BRD10: variants seen among roughly 807,000 people sequenced by gnomAD.
The protein encoded by BRD10 is bromodomain containing 10.
the BRD10 span, among the ~76,000 whole-genome samples, chr9:5,980,416 C>T: frequency 6.6e-6 from 1 of 152,104 alleles, no homozygotes; most frequent in Non-Finnish European, 1.5e-5. Context: ...GCTGTCCAAA[C>T]TAATAAAGAC....
chr9:5,895,464 G>T, the BRD10 span, among the ~76,000 whole-genome samples: 3 of 151,758 alleles, frequency 2.0e-5, no homozygotes, highest in Non-Finnish European at 2.9e-5. Flanking sequence ...GCATCCCTAA[G>T]ATCTGAGAAT....
At chr9:6,001,556 T>C in the BRD10 span, among the ~76,000 whole-genome samples, 2 of 152,236 alleles carry the variant, frequency 1.3e-5, no homozygotes, top group Non-Finnish European at 2.9e-5. Flanking sequence ...CTTTTAATTA[T>C]GTGTTTCTGT....
At chr9:5,890,798 G>C in the BRD10 span, 20 of 151,978 alleles carry the variant, frequency 1.3e-4, 1 homozygote, top group Admixed American at 1.1e-3. Flanking sequence ...AATTACAGAC[G>C]ACCCCGTCAG....
chr9:5,980,936 T>C, the BRD10 span, among the ~76,000 whole-genome samples: 1 of 152,210 alleles, frequency 6.6e-6, no homozygotes, highest in African/African-American at 2.4e-5. Flanking sequence ...ACAACAACAG[T>C]AACAACAACA....
the BRD10 span, chr9:5,988,445 T>A: frequency 2.5e-6 from 4 of 1,613,994 alleles, no homozygotes; most frequent in African/African-American, 4.0e-5. Context: ...CTTCGCGGTG[T>A]TGACCGACGC....
chr9:5,918,972 C>A, the BRD10 span: 2 of 152,662 alleles, frequency 1.3e-5, no homozygotes, highest in African/African-American at 4.8e-5. Context: ...ATCCTGTATT[C>A]TTTCAATGGA....
chr9:5,900,077 A>T, the BRD10 span, among the ~76,000 whole-genome samples: 2 of 152,220 alleles, frequency 1.3e-5, no homozygotes, highest in Non-Finnish European at 2.9e-5. Flanking sequence ...TACAAACTCA[A>T]TATGTTGGTA....
the BRD10 span, among the ~76,000 whole-genome samples, chr9:5,947,315 T>A: frequency 1.3e-5 from 2 of 152,098 alleles, no homozygotes; most frequent in Non-Finnish European, 2.9e-5. Context: ...TTCCAGGTAT[T>A]GCCTGCAAAT....
chr9:5,914,052 G>C, the BRD10 span: 1 of 452,392 alleles, frequency 2.2e-6, no homozygotes, highest in South Asian at 1.6e-5. Flanking sequence ...GCACACTTAA[G>C]AGAAAGCTCA....
the BRD10 span, among the ~76,000 whole-genome samples, chr9:5,930,036 T>A: frequency 3.0e-4 from 46 of 151,928 alleles, no homozygotes; most frequent in South Asian, 8.9e-3. Flanking sequence ...ATTATTTGAA[T>A]AACATAGGAA....
the BRD10 span, among the ~76,000 whole-genome samples, chr9:5,883,733 A>T: frequency 4.0e-5 from 6 of 151,886 alleles, no homozygotes; most frequent in Non-Finnish European, 7.4e-5. Context: ...CAGCCTCTCA[A>T]ACTGCTGGGA....
chr9:5,906,786 G>T, the BRD10 span: 2 of 715,490 alleles, frequency 2.8e-6, no homozygotes, highest in Non-Finnish European at 4.6e-6. Flanking sequence ...GCAGAACCTA[G>T]ATTAAAACTC....
chr9:5,994,644 G>A, the BRD10 span, among the ~76,000 whole-genome samples: 3 of 152,040 alleles, frequency 2.0e-5, no homozygotes, highest in Admixed American at 6.6e-5. Context: ...CATAATACAT[G>A]ACTAACCTCT....
chr9:5,920,160 C>G, the BRD10 span: 1 of 1,613,922 alleles, frequency 6.2e-7, no homozygotes, highest in South Asian at 1.1e-5. Flanking sequence ...TTATTTGATG[C>G]TAGTGTGATC....
the BRD10 span, chr9:6,007,947 G>A: frequency 2.3e-6 from 3 of 1,312,112 alleles, no homozygotes; most frequent in South Asian, 2.2e-5. Flanking sequence ...TGCGCGCGGG[G>A]GTCTTGAGCT....
the BRD10 span, among the ~76,000 whole-genome samples, chr9:5,990,088 A>G: frequency 5.3e-5 from 8 of 152,192 alleles, no homozygotes; most frequent in Non-Finnish European, 5.9e-5. Context: ...TTTTCCAAAA[A>G]TACTGAAGAA....
the BRD10 span, among the ~76,000 whole-genome samples, chr9:5,980,465 T>A: frequency 3.9e-5 from 6 of 152,308 alleles, no homozygotes; most frequent in South Asian, 6.2e-4. Flanking sequence ...TCTGGCAATC[T>A]AAGAAGCCAT....
At chr9:5,957,078 A>G in the BRD10 span, among the ~76,000 whole-genome samples, 11 of 152,156 alleles carry the variant, frequency 7.2e-5, no homozygotes, top group Non-Finnish European at 1.6e-4. Context: ...CAATTCACCA[A>G]AGAGTTTCAA....
the BRD10 span, chr9:5,892,667 C>G: frequency 1.9e-5 from 14 of 756,678 alleles, no homozygotes; most frequent in Non-Finnish European, 2.5e-5. Context: ...TCTCCCCAGA[C>G]AGTAACATCC....
Sources: gnomAD v4.1 joint callset for allele counts (sites outside exome capture counted in the v4.1 genomes callset) on GRCh38, gnomAD v4.1.1 for gene constraint, MANE v1.5 for transcripts, NCBI Gene and HGNC (gene_info 2026-07-23, HGNC 2026-07-21) for gene names.